The following CSMD1 variants were observed in gnomAD, a reference collection of about 807,000 sequenced individuals.
The protein encoded by CSMD1 is CUB and sushi domain-containing protein 1.
Under a neutral mutation model 417.5 loss-of-function variants are expected in CSMD1, and 213 were observed. The observed-to-expected ratio is 0.51, with a 90% CI of 0.46 to 0.57. The LOEUF (loss-of-function observed/expected upper bound fraction) is 0.57, where lower values mean the gene tolerates loss of function less well. Ranked by LOEUF, CSMD1 falls within the 20% of genes least tolerant of loss-of-function variation. CSMD1 has a pLI of 0.00. For synonymous variants in CSMD1, 2,862 were observed against 1,736.8 expected (o/e 1.65, Z -16.11); for missense variants, 6,923 against 4,529.7 (o/e 1.53, Z -15.17).
rs530362393 is a variant in CSMD1 at position 4,356,484 on chromosome 8, T to C, written c.415+63469A>G. Among the ~76,000 whole-genome samples the C allele has an allele frequency of 2.6e-5, 4 of 152,328 alleles. No homozygotes were observed. The South Asian group carries it at 8.3e-4, about 32-fold the overall frequency. On this transcript the variant is annotated intron_variant, in intron 3 of 69. Coordinates refer to ENST00000635120, the MANE Select transcript of CSMD1 (RefSeq NM_033225.6). The stretch of plus-strand genomic sequence containing the variant: ...AATGACTTCTTTTCCTCTGAGTAGA[T>C]ACCTGGGAGTGGGATTGCTGGATCA...
At chr8:4,004,938 G>A (rs988749262) in intron 4 of CSMD1, among the ~76,000 whole-genome samples, 1 of 152,200 alleles carries the variant, frequency 6.6e-6, no homozygotes, top group East Asian at 1.9e-4. Context: ...TAGAGACAGG[G>A]TTTCACCGTG....
At chr8:3,195,158 T>C (rs549979575) in intron 33 of CSMD1, among the ~76,000 whole-genome samples, 44 of 152,002 alleles carry the variant, frequency 2.9e-4, no homozygotes, top group Non-Finnish European at 4.9e-4. Context: ...GGCATAAATA[T>C]AAGACAATTG....
chr8:3,804,450 C>T lies in CSMD1; in HGVS notation c.819-50408G>A, dbSNP rs571748135. Reference sequence around the variant, plus strand: ...GAAAAATACTATTTTTCTAAATTGACATGACTTACTATAATGGACTATGGA... The same window carrying T: ...GAAAAATACTATTTTTCTAAATTGATATGACTTACTATAATGGACTATGGA... On this transcript the variant is annotated intron_variant, in intron 5 of 69. Coordinates refer to ENST00000635120, the MANE Select transcript of CSMD1 (RefSeq NM_033225.6). Among the ~76,000 whole-genome samples the T allele has an allele frequency of 1.4e-4, 22 of 152,226 alleles. No homozygotes were observed. In the South Asian group the frequency reaches 4.6e-3, roughly 32 times the overall value.
At chr8:4,530,318 T>C (rs1175933707) in intron 2 of CSMD1, among the ~76,000 whole-genome samples, 2 of 62,356 alleles carry the variant, frequency 3.2e-5, no homozygotes, top group Non-Finnish European at 7.1e-5. Context: ...GTAGTGCTTT[T>C]TTTTTTTTTT....
At chr8:4,322,698 T>C (rs1327637868) in intron 3 of CSMD1, among the ~76,000 whole-genome samples, 1 of 152,178 alleles carries the variant, frequency 6.6e-6, no homozygotes, top group Non-Finnish European at 1.5e-5. Context: ...GGTGACAAGG[T>C]TGAAAATGCA....
intron 2 of CSMD1, among the ~76,000 whole-genome samples, chr8:4,451,074 C>G (rs904917950): frequency 3.9e-5 from 6 of 152,228 alleles, no homozygotes; most frequent in African/African-American, 1.4e-4. Flanking sequence ...ATAAGTCAGT[C>G]AAGCACTTTG....
At chr8:4,517,792 T>TA (rs899523763) in intron 2 of CSMD1, among the ~76,000 whole-genome samples, 7 of 152,132 alleles carry the variant, frequency 4.6e-5, no homozygotes, top group East Asian at 1.9e-4. Flanking sequence ...ATGTAAATAA[T>TA]AAAAAATCTA....
intron 26 of CSMD1, among the ~76,000 whole-genome samples, chr8:3,249,571 CA>C: frequency 6.6e-6 from 1 of 151,860 alleles, no homozygotes; most frequent in African/African-American, 2.4e-5. Flanking sequence ...GATCAAGTCT[CA>C]AAAAAATAAG....
At chr8:4,158,497 G>C (rs992910825) in intron 3 of CSMD1, among the ~76,000 whole-genome samples, 2 of 152,000 alleles carry the variant, frequency 1.3e-5, no homozygotes, top group African/African-American at 2.4e-5. Context: ...TATGGCAAAA[G>C]GATATTGGAA....
At chr8:2,991,706 T>C (rs1806403885) in intron 54 of CSMD1, among the ~76,000 whole-genome samples, 1 of 152,182 alleles carries the variant, frequency 6.6e-6, no homozygotes, top group South Asian at 2.1e-4. Context: ...TATTCAAACG[T>C]TGTGAAAGTA....
intron 7 of CSMD1, among the ~76,000 whole-genome samples, chr8:3,670,563 GAT>G (rs1168507490): frequency 5.1e-5 from 7 of 137,238 alleles, no homozygotes; most frequent in East Asian, 4.2e-4. Flanking sequence ...ATATATATGC[GAT>G]ATATATATAT....
At chr8:4,896,823 C>T (rs139489193) in intron 1 of CSMD1, among the ~76,000 whole-genome samples, 10 of 151,994 alleles carry the variant, frequency 6.6e-5, no homozygotes, top group African/African-American at 2.2e-4. Context: ...CAGGGCTATC[C>T]AGTGAGAGCC....
chr8:4,674,160 T>G lies in CSMD1; in HGVS notation c.86-36602A>C, dbSNP rs537795140. On this transcript the variant is annotated intron_variant, in intron 1 of 69. Coordinates refer to ENST00000635120, the MANE Select transcript of CSMD1 (RefSeq NM_033225.6). ...ATGTCCACTGGAACCATAGATGAGGTGGGAAAATCGATCTAATGGTCAGAC... is the reference window on the plus strand; with the variant it reads ...ATGTCCACTGGAACCATAGATGAGGGGGGAAAATCGATCTAATGGTCAGAC... Among the ~76,000 whole-genome samples the G allele has an allele frequency of 7.9e-5, 12 of 152,116 alleles. No homozygotes were observed. The East Asian group carries it at 2.3e-3, about 29-fold the overall frequency.
At chr8:4,041,263 C>T (rs537167207) in intron 3 of CSMD1, among the ~76,000 whole-genome samples, 6 of 150,108 alleles carry the variant, frequency 4.0e-5, no homozygotes, top group South Asian at 2.1e-4. Context: ...GTGATCCGCC[C>T]GCCTCGGCCT....
chr8:3,847,481 C>T (rs995052944), intron 5 of CSMD1, among the ~76,000 whole-genome samples: 4 of 152,082 alleles, frequency 2.6e-5, no homozygotes, highest in African/African-American at 9.7e-5. Context: ...TTGCAAGGAG[C>T]TGAGTTCCGC....
At chr8:4,696,588 T>C (rs934435369) in intron 1 of CSMD1, among the ~76,000 whole-genome samples, 2 of 152,178 alleles carry the variant, frequency 1.3e-5, no homozygotes, top group Admixed American at 6.5e-5. Context: ...ACAGTTAATT[T>C]CCCCCGTATT....
chr8:4,989,961 A>G (rs1811376539), intron 1 of CSMD1, among the ~76,000 whole-genome samples: 1 of 152,224 alleles, frequency 6.6e-6, no homozygotes, highest in South Asian at 2.1e-4. Context: ...TTTCGCCTGT[A>G]GAAGCTTCAG....
chr8:3,480,295 G>C (rs557813441), intron 11 of CSMD1, among the ~76,000 whole-genome samples: 1 of 152,320 alleles, frequency 6.6e-6, no homozygotes, highest in Admixed American at 6.5e-5. Flanking sequence ...CCAGGAGGCG[G>C]AGGATGCATT....
intron 17 of CSMD1, among the ~76,000 whole-genome samples, chr8:3,390,875 G>C (rs940050860): frequency 1.3e-5 from 2 of 152,084 alleles, no homozygotes; most frequent in African/African-American, 2.4e-5. Context: ...GCCGAGCTTA[G>C]AGATGTCACT....
Sources: allele counts gnomAD v4.1 joint callset (sites outside exome capture counted in the v4.1 genomes callset), GRCh38; gene constraint gnomAD v4.1.1; transcripts MANE v1.5; gene names NCBI Gene and HGNC (gene_info 2026-07-23, HGNC 2026-07-21).